Variants in P2RX5 observed in about 807,000 individuals in gnomAD.
P2RX5 encodes purinergic receptor P2X 5.
A neutral mutation model predicts 54.1 loss-of-function variants in P2RX5; 46 were observed. The ratio of observed to expected loss-of-function variants is 0.85; its 90% confidence interval spans 0.67 to 1.09. The LOEUF is 1.09. P2RX5 is among the 50% of genes least tolerant of loss of function. The pLI is 0.00. For synonymous variants in P2RX5, 226 were observed against 226.4 expected (o/e 1.00, Z 0.02); for missense variants, 566 against 549.8 (o/e 1.03, Z -0.29).
At chr17:3,698,758 C>T (rs1429450794), upstream of P2RX5, among the ~76,000 whole-genome samples, 1 of 152,076 alleles carries the variant, frequency 6.6e-6, no homozygotes, top group Non-Finnish European at 1.5e-5. Context: ...TGTCCTGAAG[C>T]TTTAGAGACC....
At chr17:3,715,539 T>C in the P2RX5 span, among the ~76,000 whole-genome samples, 15 of 152,000 alleles carry the variant, frequency 9.9e-5, no homozygotes, top group African/African-American at 3.6e-4. Flanking sequence ...CACGAACCTA[T>C]TTAGGGAATA....
At chr17:3,712,222 G>T in the P2RX5 span, among the ~76,000 whole-genome samples, 1 of 152,202 alleles carries the variant, frequency 6.6e-6, no homozygotes, top group African/African-American at 2.4e-5. Context: ...GCCTGTGGCA[G>T]CATTGGAAAA....
At chr17:3,722,823 A>T in the P2RX5 span, among the ~76,000 whole-genome samples, 4 of 152,140 alleles carry the variant, frequency 2.6e-5, no homozygotes, top group Admixed American at 6.6e-5. Flanking sequence ...TAAGCAGGGG[A>T]ATGGCACAAT....
intron 9 of P2RX5, among the ~76,000 whole-genome samples, chr17:3,683,496 C>T (rs540312520): frequency 3.3e-5 from 5 of 152,226 alleles, no homozygotes; most frequent in East Asian, 1.9e-4. Flanking sequence ...ACTGGGAGGC[C>T]GAGGTGGGCG....
chr17:3,722,808 T>C, the P2RX5 span, among the ~76,000 whole-genome samples: 2 of 152,318 alleles, frequency 1.3e-5, no homozygotes, highest in East Asian at 3.9e-4. Context: ...GTTTGTTATT[T>C]TTAATAAGCA....
At chr17:3,701,696 G>GAAAAAAAAAAAA in the P2RX5 span, among the ~76,000 whole-genome samples, 27 of 73,430 alleles carry the variant, frequency 3.7e-4, no homozygotes, top group African/African-American at 1.2e-3. Flanking sequence ...CTCTGTCTCA[G>GAAAAAAAAAAAA]AAAAAAAAAA....
intron 1 of P2RX5, among the ~76,000 whole-genome samples, chr17:3,693,292 TA>T (rs2050669068): frequency 6.6e-6 from 1 of 152,190 alleles, no homozygotes; most frequent in African/African-American, 2.4e-5. Flanking sequence ...ACCCTACAGA[TA>T]ACAGGTGTTG....
rs775199321 is a variant in P2RX5 at position 3,681,959 on chromosome 17, A to G, written c.1001T>C (p.Leu334Pro). The stretch of plus-strand genomic sequence containing the variant: ...CTTTTTGATGAGGTAGATGAGTACC[A>G]GGTCGCAGAAGAAAGCACCCTGCAA... ...VNGKGAFFCD[L>P]VLIYLIKKRE... The change falls in exon 10 of 12, where the codon CTG (leucine) becomes CCG (proline). Residue 334 changes from leucine (L) to proline (P), a missense_variant. Coordinates refer to ENST00000225328, the MANE Select transcript of P2RX5 (RefSeq NM_002561.4). 3 of 1,612,842 alleles carry G rather than the reference A, an allele frequency of 1.9e-6. No individual in the cohort carries two copies. Among genetic ancestry groups the G allele is most frequent in the Non-Finnish European group, 2.5e-6 (3 of 1,179,040 alleles).
chr17:3,723,564 G>C, the P2RX5 span: 1 of 1,117,044 alleles, frequency 9.0e-7, no homozygotes, highest in Non-Finnish European at 1.3e-6. Context: ...ACGAAGCTAG[G>C]GAGGGCCTGG....
the P2RX5 span, chr17:3,714,741 A>G: frequency 1.6e-6 from 1 of 631,186 alleles, no homozygotes; most frequent in Non-Finnish European, 2.8e-6. Context: ...TTCTACCAAC[A>G]GCTCCATGCT....
Position 3,690,050 on chromosome 17 carries a change from C to T in P2RX5, c.614+20G>A. 6.2e-7 allele frequency: 1 copy of T among 1,610,982 alleles called. No homozygotes were observed. The highest frequency in any genetic ancestry group is 8.5e-7 in the Non-Finnish European group (1 of 1,177,158). On this transcript the variant is annotated intron_variant, in intron 6 of 11. Coordinates refer to ENST00000225328, the MANE Select transcript of P2RX5 (RefSeq NM_002561.4). ...TCGACCAAGGCCCACCCGTGGCCCC[C>T]AGTAGCCAAGCCCACGTACTTGGAG...
At chr17:3,716,593 G>T in the P2RX5 span, 1 of 741,488 alleles carries the variant, frequency 1.3e-6, no homozygotes, top group South Asian at 1.6e-5. Context: ...GGCCAGGGCA[G>T]CTGCTCTAAG....
intron 11 of P2RX5, among the ~76,000 whole-genome samples, chr17:3,674,269 C>A (rs2050050659): frequency 6.6e-6 from 1 of 151,942 alleles, no homozygotes; most frequent in South Asian, 2.1e-4. Context: ...CGAGATCGCG[C>A]CACGGCACTC....
At chr17:3,699,824 AAG>A (rs71153388), upstream of P2RX5, among the ~76,000 whole-genome samples, 10 of 115,888 alleles carry the variant, frequency 8.6e-5, no homozygotes, top group Middle Eastern at 4.5e-3. Context: ...GAAAGAGAGA[AAG>A]AGAGAGAGAG....
chr17:3,717,582 G>A, the P2RX5 span: 1 of 152,228 alleles, frequency 6.6e-6, no homozygotes, highest in Non-Finnish European at 1.5e-5. Context: ...TGGGGCCAGA[G>A]AGCCAACAAG....
chr17:3,676,578 G>A, intron 11 of P2RX5: 2 of 985,406 alleles, frequency 2.0e-6, no homozygotes, highest in Non-Finnish European at 2.4e-6. Flanking sequence ...ATGCGTGTAA[G>A]TCTGACCTAG....
the P2RX5 span, among the ~76,000 whole-genome samples, chr17:3,712,057 TA>T: frequency 6.6e-6 from 1 of 152,134 alleles, no homozygotes; most frequent in Admixed American, 6.6e-5. Flanking sequence ...TTTGCAATTT[TA>T]AAAAGTATAA....
intron 11 of P2RX5, chr17:3,675,803 G>A (rs543153986): frequency 2.4e-4 from 221 of 935,648 alleles, no homozygotes; most frequent in Middle Eastern, 5.5e-4. Context: ...CACCCGCCTC[G>A]GCCTCCCAAA....
Position 3,673,676 on chromosome 17 carries a change from C to A in P2RX5, c.*192G>T. ...GGCAAAAAGACAGCCATGATGGGTC[C>A]GTCCTGATGACCCCAGCATCAGACG... On this transcript the variant is annotated 3_prime_UTR_variant, in exon 12 of 12. Coordinates refer to ENST00000225328, the MANE Select transcript of P2RX5 (RefSeq NM_002561.4). The A allele has an allele frequency of 6.6e-7, 1 of 1,504,614 alleles. No individual in the cohort carries two copies. The highest frequency in any genetic ancestry group is 8.9e-7 in the Non-Finnish European group (1 of 1,127,354). 93.2% of individuals were successfully genotyped at this position (1,504,614 alleles called of 1,614,324 possible). A position where few individuals can be genotyped will look rare whatever the true frequency, so the allele number is the denominator to read the frequency against.
Sources: allele counts gnomAD v4.1 joint callset (sites outside exome capture counted in the v4.1 genomes callset), GRCh38; gene constraint gnomAD v4.1.1; transcripts MANE v1.5; gene names NCBI Gene and HGNC (gene_info 2026-07-23, HGNC 2026-07-21).